YTHDC2: variants seen among roughly 807,000 people sequenced by gnomAD.
YTHDC2 encodes the protein YTH N6-methyladenosine RNA binding protein C2.
A neutral mutation model predicts 174.9 loss-of-function variants in YTHDC2; 45 were observed. The observed-to-expected ratio is 0.26, with a 90% confidence interval of 0.20 to 0.33. The LOEUF (loss-of-function observed/expected upper bound fraction) is 0.33, where lower values mean the gene tolerates loss of function less well. Ranked by LOEUF, YTHDC2 falls within the 10% of genes least tolerant of loss-of-function variation. YTHDC2 has a pLI of 1.00. For synonymous variants in YTHDC2, 657 were observed against 574.5 expected, an observed-to-expected ratio of 1.14 and a Z score of -2.05; for missense variants, 1,650 against 1,723.7, an observed-to-expected ratio of 0.96 and a Z score of 0.76.
rs368476750 is a variant in YTHDC2, at chr5:113,526,546, G to A, written c.476-40G>A. On this transcript the variant is annotated intron_variant, in intron 3 of 29. Transcript: ENST00000161863. ...TTATTTTTAACACTTCTTTTTCCGT[G>A]TTGATCATACATTTTTTGTTCTTTT... 3.4e-5 allele frequency: 51 copies of A among 1,510,922 alleles called. No individual in the cohort carries two copies. The African/African-American group carries it at 6.2e-4, about 18-fold the overall frequency. The allele number at this position is 1,510,922 out of a possible 1,614,324, so 93.6% of individuals were successfully genotyped here.
chr5:113,566,415 C>T (rs544208083), intron 21 of YTHDC2, among the ~76,000 whole-genome samples: 5 of 147,518 alleles, frequency 3.4e-5, no homozygotes, highest in Admixed American at 1.3e-4. Flanking sequence ...ATTTTTGGAA[C>T]ACAAAAACAG....
chr5:113,569,012 A>G (rs1466852094), intron 23 of YTHDC2, among the ~76,000 whole-genome samples: 1 of 152,056 alleles, frequency 6.6e-6, no homozygotes, highest in East Asian at 1.9e-4. Flanking sequence ...CTTTTTCTCT[A>G]CAACCTCACC....
chr5:113,538,392 C>A (rs755975728), intron 7 of YTHDC2, among the ~76,000 whole-genome samples: 1 of 152,106 alleles, frequency 6.6e-6, no homozygotes, highest in African/African-American at 2.4e-5. Flanking sequence ...CTTAGTAAGA[C>A]TTATCTTTTC....
At chr5:113,563,526 T>C in intron 19 of YTHDC2, 34 bp downstream of exon 19, 1 of 1,545,590 alleles carries the variant, frequency 6.5e-7, no homozygotes, top group Non-Finnish European at 8.7e-7. Flanking sequence ...TTACATGACA[T>C]TTTTACTTGA....
At chr5:113,589,425 A>ATATATATATATATATATATATATG in intron 26 of YTHDC2, among the ~76,000 whole-genome samples, 1 of 142,870 alleles carries the variant, frequency 7.0e-6, no homozygotes, top group African/African-American at 2.6e-5. Context: ...ATATATATAT[A>ATATATATATATATATATATATATG]TATATATGTA....
intron 10 of YTHDC2, among the ~76,000 whole-genome samples, chr5:113,545,111 T>C (rs1775766276): frequency 6.6e-6 from 1 of 152,184 alleles, no homozygotes; most frequent in Admixed American, 6.5e-5. Context: ...AAAATTCTAA[T>C]TGTTATCTAT....
In YTHDC2 at chr5:113,535,735, T is replaced by C. The variant is rs747327637; in HGVS notation, c.1039T>C (p.Ser347Pro). 2 of 1,613,710 alleles carry C rather than the reference T, an allele frequency of 1.2e-6. No individual in the cohort carries two copies. The highest frequency in any genetic ancestry group is 1.7e-6 in the Non-Finnish European group (2 of 1,179,852). The change falls in exon 7 of 30, where the codon TCT becomes CCT. Residue 347 changes from serine (S) to proline (P), a missense_variant. By Grantham distance (74) the Ser-to-Pro change is moderately conservative. Coordinates refer to ENST00000161863, the MANE Select transcript of YTHDC2 (RefSeq NM_022828.5). The stretch of plus-strand genomic sequence containing the variant: ...GCACCCAACTTTGAAACTAATTCTT[T>C]CTAGTGCTGCCTTGGATGTAAATCT... ...QKHPTLKLIL[S>P]SAALDVNLFI...
chr5:113,555,237 G>A (rs901950044), intron 16 of YTHDC2, among the ~76,000 whole-genome samples: 2 of 151,924 alleles, frequency 1.3e-5, no homozygotes, highest in East Asian at 1.9e-4. Flanking sequence ...TAAAACATGG[G>A]TAGTGTCAAA....
Position 113,561,182 on chromosome 5 carries a change from A to G in YTHDC2, c.2319A>G (p.Leu773=). 6.2e-7 allele frequency: 1 copy of G among 1,611,006 alleles called. No homozygotes were observed. The highest frequency in any genetic ancestry group is 8.5e-7 in the Non-Finnish European group (1 of 1,178,686). Residue 773 remains leucine, a synonymous_variant, in exon 18 of 30, where the codon TTA becomes TTG. Coordinates refer to ENST00000161863, the MANE Select transcript of YTHDC2 (RefSeq NM_022828.5). The stretch of plus-strand genomic sequence containing the variant: ...CTCCGGAACTTTTGAGAATGCCATT[A>G]CAGGTAAAAATTTATTTAAATATAA... ...FQTPELLRMP[L]QELCLHTKLL...
chr5:113,561,238 G>A, intron 18 of YTHDC2, 53 bp downstream of exon 18: 1 of 1,394,386 alleles, frequency 7.2e-7, no homozygotes. Context: ...GGAAGTGAGG[G>A]GCCATTTCAA....
intron 17 of YTHDC2, among the ~76,000 whole-genome samples, chr5:113,558,774 T>C (rs1464007841): frequency 1.3e-5 from 2 of 151,764 alleles, no homozygotes; most frequent in Non-Finnish European, 2.9e-5. Context: ...ATACAAAAAT[T>C]AGCCAGGTGT....
At chr5:113,533,568 T>G (rs1774842154) in intron 5 of YTHDC2, among the ~76,000 whole-genome samples, 1 of 151,712 alleles carries the variant, frequency 6.6e-6, no homozygotes, top group Non-Finnish European at 1.5e-5. Flanking sequence ...AAAAATTCCG[T>G]TTCCTAGTTT....
intron 10 of YTHDC2, among the ~76,000 whole-genome samples, chr5:113,545,551 C>G (rs1020505194): frequency 1.3e-4 from 19 of 151,878 alleles, no homozygotes; most frequent in Non-Finnish European, 2.6e-4. Context: ...AGACTGAATA[C>G]TTCATCTCTT....
chr5:113,577,650 G>A (rs192865348), intron 23 of YTHDC2, among the ~76,000 whole-genome samples: 128 of 152,222 alleles, frequency 8.4e-4, no homozygotes, highest in African/African-American at 2.7e-3. Flanking sequence ...GATTACAGGC[G>A]TGAGCCACCG....
intron 22 of YTHDC2, 37 bp from the exon 23 acceptor site, chr5:113,567,615 AAC>A: frequency 5.4e-6 from 8 of 1,484,810 alleles, no homozygotes; most frequent in Non-Finnish European, 6.4e-6. Flanking sequence ...CTAGGTGATA[AAC>A]ACAATTAACA....
chr5:113,528,976 T>C (rs1005547202), intron 4 of YTHDC2, among the ~76,000 whole-genome samples: 7 of 152,222 alleles, frequency 4.6e-5, no homozygotes, highest in Admixed American at 3.3e-4. Flanking sequence ...AGCATTGTTA[T>C]ATATTGGTTT....
intron 1 of YTHDC2, 56 bp downstream of exon 1, chr5:113,514,138 G>T: frequency 6.4e-7 from 1 of 1,559,744 alleles, no homozygotes; most frequent in Non-Finnish European, 8.7e-7. Context: ...TCACCCCAGC[G>T]CCCCCCAAAC....
intron 2 of YTHDC2, among the ~76,000 whole-genome samples, chr5:113,522,378 GCAT>G (rs1354836781): frequency 2.0e-5 from 3 of 151,980 alleles, no homozygotes; most frequent in Non-Finnish European, 4.4e-5. Flanking sequence ...ATTACTTATA[GCAT>G]CATTTTTCTT....
chr5:113,580,590 A>G (rs1403292601), intron 24 of YTHDC2, among the ~76,000 whole-genome samples: 2 of 152,176 alleles, frequency 1.3e-5, no homozygotes, highest in East Asian at 1.9e-4. Context: ...TTCATTCATC[A>G]CTTCAACCTA....
Sources: gnomAD v4.1 joint callset for allele counts (sites outside exome capture counted in the v4.1 genomes callset) on GRCh38, gnomAD v4.1.1 for gene constraint, MANE v1.5 for transcripts, NCBI Gene and HGNC (gene_info 2026-07-23, HGNC 2026-07-21) for gene names.